The following PLD5 variants were observed in gnomAD, a reference collection of about 807,000 sequenced individuals.
PLD5 encodes inactive phospholipase D5.
PLD5 carries 36 observed loss-of-function variants against 61.1 expected under a neutral mutation model. The ratio of observed to expected loss-of-function variants is 0.59; its 90% CI spans 0.45 to 0.78. PLD5 has a LOEUF of 0.78. Among genes scored for constraint, PLD5 ranks in the 30% least tolerant of loss-of-function variants. PLD5 has a pLI of 0.00. For missense variants in PLD5, 515 were observed against 644.4 expected (o/e 0.80, Z 2.17); for synonymous variants, 243 against 242.8 (o/e 1.00, Z -0.01).
At chr1:242,093,770 T>A (rs988414140) in intron 9 of PLD5, among the ~76,000 whole-genome samples, 8 of 151,408 alleles carry the variant, frequency 5.3e-5, no homozygotes, top group Non-Finnish European at 1.0e-4. Flanking sequence ...TGCAGACCAC[T>A]CTCTCTGAAG....
chr1:242,085,922 A>G lies in PLD5; in HGVS notation c.*3932T>C, dbSNP rs1435806588. On this transcript the variant is annotated 3_prime_UTR_variant, in exon 10 of 10. Coordinates refer to ENST00000536534, the MANE Select transcript of PLD5 (RefSeq NM_001372062.1). ...AGGATAGAATTCCTGAGACAGATAG[A>G]CCCTGGATCTGATCTTATCAAGAAA... 3 of 152,016 alleles carry G rather than the reference A, an allele frequency of 2.0e-5. No individual in the cohort carries two copies. The highest frequency in any genetic ancestry group is 7.3e-5 in the African/African-American group (3 of 41,376). 9.4% of individuals were successfully genotyped at this position (152,016 alleles called of 1,614,324 possible).
intron 1 of PLD5, among the ~76,000 whole-genome samples, chr1:242,461,803 T>G (rs767048700): frequency 1.1e-4 from 17 of 152,228 alleles, no homozygotes; most frequent in Non-Finnish European, 2.2e-4. Context: ...TGAGATGGTA[T>G]CTGGTTGTGG....
intron 1 of PLD5, among the ~76,000 whole-genome samples, chr1:242,407,270 C>T (rs1664284084): frequency 7.9e-6 from 1 of 126,076 alleles, no homozygotes; most frequent in Non-Finnish European, 1.7e-5. Context: ...CTCAGTTCAC[C>T]ACGTGGAACT....
At chr1:242,257,248 T>G (rs1337077063) in intron 4 of PLD5, among the ~76,000 whole-genome samples, 1 of 152,130 alleles carries the variant, frequency 6.6e-6, no homozygotes, top group Non-Finnish European at 1.5e-5. Flanking sequence ...AAAAAAAGTT[T>G]TGTTATCAGC....
At chr1:242,174,533 G>C (rs1014934623) in intron 5 of PLD5, among the ~76,000 whole-genome samples, 17 of 152,116 alleles carry the variant, frequency 1.1e-4, no homozygotes, top group Admixed American at 1.0e-3. Context: ...ATTTGACCCA[G>C]CCATCCCATT....
At chr1:242,327,698 T>C (rs1269546058) in intron 2 of PLD5, among the ~76,000 whole-genome samples, 1 of 152,206 alleles carries the variant, frequency 6.6e-6, no homozygotes, top group Non-Finnish European at 1.5e-5. Flanking sequence ...TCATCTGCCA[T>C]ATGAAGTTCA....
At chr1:242,367,651 T>A (rs1661417322) in intron 1 of PLD5, among the ~76,000 whole-genome samples, 1 of 152,098 alleles carries the variant, frequency 6.6e-6, no homozygotes, top group Non-Finnish European at 1.5e-5. Flanking sequence ...CAAATAGGAA[T>A]ACGCAAACAT....
chr1:242,131,031 C>T (rs1263399151), intron 5 of PLD5, among the ~76,000 whole-genome samples: 4 of 151,966 alleles, frequency 2.6e-5, no homozygotes, highest in African/African-American at 7.3e-5. Flanking sequence ...TATGGCCGGG[C>T]GCGGTGACTC....
Position 242,114,940 on chromosome 1 carries a change from G to A in PLD5, c.934-914C>T, listed in dbSNP as rs543710523. On this transcript the variant is annotated intron_variant, in intron 6 of 9. Coordinates refer to ENST00000536534, the MANE Select transcript of PLD5 (RefSeq NM_001372062.1). ...GCCTGTAATCCCAGCGCTTTGGGAG[G>A]CTGAGGTGGCCGGATCACCTGAGGT... Among the ~76,000 whole-genome samples the A allele has an allele frequency of 6.9e-4, 105 of 152,288 alleles. 1 individual carries two copies. The highest frequency in any genetic ancestry group is 5.0e-3 in the South Asian group (24 of 4,822).
chr1:242,504,695 C>T (rs1426093045), intron 1 of PLD5, among the ~76,000 whole-genome samples: 1 of 152,020 alleles, frequency 6.6e-6, no homozygotes, highest in Non-Finnish European at 1.5e-5. Flanking sequence ...ACTTGTTTCT[C>T]TAAAAAATCC....
rs56259020 is a variant in PLD5, at chr1:242,205,105, C to A, written c.735+14883G>T. Among the ~76,000 whole-genome samples the A allele has an allele frequency of 9.0e-3, 1,363 of 152,216 alleles. 21 individuals carry two copies. The highest frequency in any genetic ancestry group is 0.031 in the African/African-American group (1,307 of 41,538). On this transcript the variant is annotated intron_variant, in intron 5 of 9. Transcript: ENST00000536534. ...GAGATTTTGAGACATGTCATATAAGCAAGTCTCAGACTATCATGCCATTTA... is the reference window on the plus strand; with the variant it reads ...GAGATTTTGAGACATGTCATATAAGAAAGTCTCAGACTATCATGCCATTTA...
intron 1 of PLD5, among the ~76,000 whole-genome samples, chr1:242,480,636 T>A (rs747165376): frequency 6.6e-6 from 1 of 152,166 alleles, no homozygotes; most frequent in Non-Finnish European, 1.5e-5. Context: ...TGTAGAAAGA[T>A]CTCTTAATAT....
intron 1 of PLD5, among the ~76,000 whole-genome samples, chr1:242,349,977 G>A (rs1660381902): frequency 6.6e-6 from 1 of 152,054 alleles, no homozygotes; most frequent in Non-Finnish European, 1.5e-5. Flanking sequence ...TTTTGAGGCT[G>A]CAGTGCACTA....
Position 242,084,778 on chromosome 1 carries a change from T to TTA in PLD5, c.*5075_*5076insTA, listed in dbSNP as rs1659380728. ...TTTTTTTTTTTTTTTTTTTTTTTTT[T>TTA]AGAGAAAGAGATAGGTATAGTGTTT... On this transcript the variant is annotated 3_prime_UTR_variant, in exon 10 of 10. Coordinates refer to ENST00000536534, the MANE Select transcript of PLD5 (RefSeq NM_001372062.1). 8.2e-6 allele frequency: 1 copy of TTA among 121,874 alleles called. No homozygotes were observed. Among genetic ancestry groups the TTA allele is most frequent in the Non-Finnish European group, 1.7e-5 (1 of 58,458 alleles). The allele number at this position is 121,874 out of a possible 1,614,324, so 7.5% of individuals were successfully genotyped here. A position where few individuals can be genotyped will look rare whatever the true frequency, so the allele number is the denominator to read the frequency against.
intron 1 of PLD5, among the ~76,000 whole-genome samples, chr1:242,355,929 T>C (rs1019350358): frequency 6.6e-6 from 1 of 151,736 alleles, no homozygotes; most frequent in Non-Finnish European, 1.5e-5. Flanking sequence ...TAACCCATTG[T>C]GATCAGAAAA....
At chr1:242,264,039 T>C (rs1202554400) in intron 4 of PLD5, among the ~76,000 whole-genome samples, 1 of 152,050 alleles carries the variant, frequency 6.6e-6, no homozygotes, top group Admixed American at 6.6e-5. Context: ...CCCAAAGAGA[T>C]GCTAGGAAAC....
rs192481584 is a variant in PLD5, at chr1:242,440,400, G to A, written c.189+83688C>T. Among the ~76,000 whole-genome samples, 192 of 152,276 alleles carry A rather than the reference G, an allele frequency of 1.3e-3. 3 individuals carry two copies. The highest frequency in any genetic ancestry group is 3.5e-3 in the Admixed American group (53 of 15,292). ...GAATGACCCCTTAGAATGCTGGGTG[G>A]TGCAGGCTACACCCCACCTAAGTGT... is the stretch of plus-strand genomic sequence containing the variant. On this transcript the variant is annotated intron_variant, in intron 1 of 9. Transcript: ENST00000536534.
At chr1:242,284,077 A>G (rs1334715486) in intron 3 of PLD5, among the ~76,000 whole-genome samples, 1 of 145,882 alleles carries the variant, frequency 6.9e-6, no homozygotes, top group Non-Finnish European at 1.5e-5. Context: ...TGAGAGGGGG[A>G]AAGGAGGGGA....
chr1:242,434,564 A>T (rs1665892423), intron 1 of PLD5, among the ~76,000 whole-genome samples: 1 of 152,206 alleles, frequency 6.6e-6, no homozygotes, highest in East Asian at 1.9e-4. Flanking sequence ...ACATGAATTC[A>T]TTGTCATATG....
Sources: allele counts gnomAD v4.1 joint callset (sites outside exome capture counted in the v4.1 genomes callset), GRCh38; gene constraint gnomAD v4.1.1; transcripts MANE v1.5; gene names NCBI Gene and HGNC (gene_info 2026-07-23, HGNC 2026-07-21).